The following MBOAT4 variants were observed in gnomAD, a reference collection of about 807,000 sequenced individuals.
The protein encoded by MBOAT4 is membrane-bound ghrelin O-acyltransferase MBOAT4.
A neutral mutation model predicts 13.2 loss-of-function variants in MBOAT4; 11 were observed. That is an observed-to-expected ratio of 0.84 (90% CI 0.53 to 1.38). MBOAT4 has a LOEUF of 1.38. MBOAT4 is among the 40% of genes most tolerant of loss of function. MBOAT4 has a pLI of 0.00. For missense variants in MBOAT4, 481 were observed against 527.2 expected (o/e 0.91, Z 0.86); for synonymous variants, 202 against 210.3 (o/e 0.96, Z 0.34).
chr8:30,144,139 AT>A (rs67795918), intron 1 of MBOAT4, among the ~76,000 whole-genome samples: 10 of 148,710 alleles, frequency 6.7e-5, no homozygotes, highest in East Asian at 3.9e-4. Context: ...GTATTTCTGA[AT>A]TTTTTTTTTT....
intron 2 of MBOAT4, among the ~76,000 whole-genome samples, chr8:30,134,846 C>T (rs1803105114): frequency 6.6e-6 from 1 of 151,830 alleles, no homozygotes; most frequent in Non-Finnish European, 1.5e-5. Flanking sequence ...CTGCTCCCAG[C>T]CATAAGCATC....
In MBOAT4 at chr8:30,144,605, G is replaced by A. The variant is rs1396361365; in HGVS notation, c.-4C>T. ...AGAACAGCCAAAGCCACTCCATTAG[G>A]AACCAGAACAAAAGAGCCTGTCTTT... On this transcript the variant is annotated 5_prime_UTR_variant, in exon 1 of 3. Coordinates refer to ENST00000320542, the MANE Select transcript of MBOAT4 (RefSeq NM_001100916.2). 2 of 1,535,856 alleles carry A rather than the reference G, an allele frequency of 1.3e-6. No homozygotes were observed. The highest frequency in any genetic ancestry group is 1.8e-6 in the Non-Finnish European group (2 of 1,134,370).
chr8:30,132,089 A>G lies in MBOAT4; in HGVS notation c.1162T>C (p.Leu388=). ...GCCAGCATGATGTAGGCAATGATCA[A>G]CTGGGTGTGGGCCCAGGTGAGGGTT... ...YRTLTWAHTQ[L]IIAYIMLAVE... is the part of the protein sequence containing the mutation. Residue 388 remains leucine (L), a synonymous_variant, in exon 3 of 3, where the codon TTG becomes CTG. Transcript: ENST00000320542. The G allele has an allele frequency of 6.4e-7, 1 of 1,551,784 alleles. No individual in the cohort carries two copies. The highest frequency in any genetic ancestry group is 1.7e-4 in the Middle Eastern group (1 of 5,992).
Position 30,132,294 on chromosome 8 carries a change from G to T in MBOAT4, c.957C>A (p.Phe319Leu). 1.3e-6 allele frequency: 2 copies of T among 1,551,780 alleles called. No individual in the cohort carries two copies. The highest frequency in any genetic ancestry group is 3.9e-5 in the Admixed American group (2 of 51,010). ...STARWLRRLV[F>L]QHSRAWPLLQ... ...ACAACGGCCAAGCCCTGCTGTGCTG[G>T]AATACAAGCCGTCGGAGCCATCGAG... The change falls in exon 3 of 3, where the codon TTC becomes TTA. Residue 319 changes from phenylalanine to leucine, a missense_variant. Transcript: ENST00000320542.
intron 1 of MBOAT4, among the ~76,000 whole-genome samples, chr8:30,139,586 T>C (rs1277948725): frequency 6.6e-6 from 1 of 152,356 alleles, no homozygotes; most frequent in African/African-American, 2.4e-5. Flanking sequence ...AAAATCTTTA[T>C]ATCCACCCTT....
At chr8:30,144,210 C>T (rs1803311369) in intron 1 of MBOAT4, among the ~76,000 whole-genome samples, 1 of 152,096 alleles carries the variant, frequency 6.6e-6, no homozygotes. Context: ...TCTCGGCTCA[C>T]TGCAACCTCC....
chr8:30,140,441 C>G lies in MBOAT4; in HGVS notation c.120-1685G>C, dbSNP rs1233521578. Among the ~76,000 whole-genome samples, 10 of 152,160 alleles carry G rather than the reference C, an allele frequency of 6.6e-5. No individual in the cohort carries two copies. The South Asian group carries it at 2.1e-3, about 31-fold the overall frequency. ...GCACCAACACTGGCTTTTGGGGCCCCCTGACTTTCTTCATTCTGTCCTTGC... is the reference window on the plus strand; with the variant it reads ...GCACCAACACTGGCTTTTGGGGCCCGCTGACTTTCTTCATTCTGTCCTTGC... On this transcript the variant is annotated intron_variant, in intron 1 of 2. Coordinates refer to ENST00000320542, the MANE Select transcript of MBOAT4 (RefSeq NM_001100916.2).
rs1360116009 is a variant in MBOAT4, at chr8:30,138,520, C to T, written c.344+12G>A. On this transcript the variant is annotated intron_variant, in intron 2 of 2. Transcript: ENST00000320542. ...AGGTGGGCTGAGCATGACCAACGAA[C>T]AGGCTGCTTACCTCACAGAAGGAGG... The T allele has an allele frequency of 6.5e-7, 1 of 1,538,626 alleles. No homozygotes were observed. The highest frequency in any genetic ancestry group is 1.2e-5 in the South Asian group (1 of 83,690).
chr8:30,132,779 G>A lies in MBOAT4; in HGVS notation c.472C>T (p.His158Tyr), dbSNP rs762096309. ...GFRSRSSLSEHVCKALPYFSY... is the reference protein window; with the variant it reads ...GFRSRSSLSEYVCKALPYFSY... The stretch of plus-strand genomic sequence containing the variant: ...AAATAGGGCAGTGCCTTACACACAT[G>A]CTCAGACAAAGAGCTCCTGCTCCTG... The change falls in exon 3 of 3, where the codon CAT (histidine) becomes TAT (tyrosine). Residue 158 changes from histidine (H) to tyrosine (Y), a missense_variant. Physicochemically the swap from His to Tyr is moderately conservative, Grantham distance 83. Coordinates refer to ENST00000320542, the MANE Select transcript of MBOAT4 (RefSeq NM_001100916.2). 1.1e-5 allele frequency: 17 copies of A among 1,551,732 alleles called. No individual in the cohort carries two copies. In the South Asian group the frequency reaches 1.9e-4, roughly 17 times the overall value.
rs1223383899 is a variant in MBOAT4, at chr8:30,132,207, G to T, written c.1044C>A (p.Phe348Leu). Reference sequence around the variant, plus strand: ...CTTCCACCATCACGGCCCAGCAAACGAAACCAAACACCTGTCCTGGATGGA... The same window carrying T: ...CTTCCACCATCACGGCCCAGCAAACTAAACCAAACACCTGTCCTGGATGGA... ...HGLHPGQVFGFVCWAVMVEAD... is the reference protein window; with the variant it reads ...HGLHPGQVFGLVCWAVMVEAD... Residue 348 changes from phenylalanine to leucine, a missense_variant, in exon 3 of 3, where the codon TTC becomes TTA. By Grantham distance (22) the Phe-to-Leu change is conservative. Transcript: ENST00000320542. The T allele has an allele frequency of 1.6e-5, 25 of 1,551,730 alleles. No individual in the cohort carries two copies. The highest frequency in any genetic ancestry group is 1.9e-5 in the Non-Finnish European group (22 of 1,147,034).
chr8:30,138,452 C>T (rs1392446197), intron 2 of MBOAT4, 80 bp downstream of exon 2: 4 of 1,154,380 alleles, frequency 3.5e-6, no homozygotes, highest in Admixed American at 4.9e-5. Context: ...TCCAACCCAA[C>T]ACCCAGGTTC....
intron 1 of MBOAT4, among the ~76,000 whole-genome samples, chr8:30,139,829 G>A (rs1052969257): frequency 1.3e-5 from 2 of 152,052 alleles, no homozygotes; most frequent in African/African-American, 2.4e-5. Context: ...ATGCATGGTG[G>A]CACACCTGTA....
At chr8:30,134,235 C>T (rs946837911) in intron 2 of MBOAT4, among the ~76,000 whole-genome samples, 5 of 151,818 alleles carry the variant, frequency 3.3e-5, no homozygotes, top group Admixed American at 1.3e-4. Flanking sequence ...CCATCCTGGC[C>T]GATATGGTGA....
intron 1 of MBOAT4, among the ~76,000 whole-genome samples, chr8:30,143,609 T>C (rs1447187059): frequency 6.6e-6 from 1 of 152,124 alleles, no homozygotes; most frequent in East Asian, 1.9e-4. Context: ...ATTTAAAAAA[T>C]CATTACAATC....
Position 30,138,631 on chromosome 8 carries a change from A to T in MBOAT4, c.245T>A (p.Val82Asp). 1 of 1,551,652 alleles carries T rather than the reference A, an allele frequency of 6.4e-7. No individual in the cohort carries two copies. The highest frequency in any genetic ancestry group is 8.7e-7 in the Non-Finnish European group (1 of 1,146,996). Residue 82 changes from valine to aspartate, a missense_variant, in exon 2 of 3, where the codon GTC becomes GAC. Physicochemically the swap from Val to Asp is radical, Grantham distance 152 (BLOSUM62 -3). Coordinates refer to ENST00000320542, the MANE Select transcript of MBOAT4 (RefSeq NM_001100916.2). ...CTGAAAGCAGAAGGTCCACCTGTGG[A>T]CTTGCTGAGGAGCCAGGGAACAGAG... ...ALLCSLAPQQ[V>D]HRWTFCFQMS...
chr8:30,136,963 C>T (rs550201386), intron 2 of MBOAT4, among the ~76,000 whole-genome samples: 21 of 152,078 alleles, frequency 1.4e-4, no homozygotes, highest in Admixed American at 1.0e-3. Flanking sequence ...GTTGGGATTA[C>T]AGGAGTGAGC....
In MBOAT4 at chr8:30,138,752, G is replaced by A; in HGVS notation, c.124C>T (p.Leu42Phe). ...GCACCTCCTCCAGTCAGGAGAAAGA[G>A]GTACCTGAAAGAGAAGGGACACCTT... ...MDSFSTRARYLFLLTGGGALA... is the reference protein window; with the variant it reads ...MDSFSTRARYFFLLTGGGALA... The change falls in exon 2 of 3, where the codon CTC (leucine) becomes TTC (phenylalanine). Residue 42 changes from leucine to phenylalanine, a missense_variant. By Grantham distance (22) the Leu-to-Phe change is conservative. Coordinates refer to ENST00000320542, the MANE Select transcript of MBOAT4 (RefSeq NM_001100916.2). 6.5e-7 allele frequency: 1 copy of A among 1,549,236 alleles called. No individual in the cohort carries two copies. Among genetic ancestry groups the A allele is most frequent in the Non-Finnish European group, 8.7e-7 (1 of 1,146,616 alleles).
rs1217673391 is a variant in MBOAT4 at position 30,132,918 on chromosome 8, T to G, written c.345-12A>C. On this transcript the variant is annotated splice_polypyrimidine_tract_variant and intron_variant, in intron 2 of 2. Transcript: ENST00000320542. ...GAGTGATGCAGAACCTGCAAGATAA[T>G]TTTTTAAAGAACATAAAAACACTCT... The G allele has an allele frequency of 4.0e-6, 6 of 1,495,492 alleles. No homozygotes were observed. The highest frequency in any genetic ancestry group is 5.3e-6 in the Non-Finnish European group (6 of 1,123,132). 92.6% of individuals were successfully genotyped at this position (1,495,492 alleles called of 1,614,324 possible). A position where few individuals can be genotyped will look rare whatever the true frequency, so the allele number is the denominator to read the frequency against.
chr8:30,131,754 C>A lies in MBOAT4; in HGVS notation c.*189G>T. 1 of 605,336 alleles carries A rather than the reference C, an allele frequency of 1.7e-6. No homozygotes were observed. The highest frequency in any genetic ancestry group is 4.8e-4 in the Middle Eastern group (1 of 2,082). 37.5% of individuals were successfully genotyped at this position (605,336 alleles called of 1,614,324 possible). On this transcript the variant is annotated 3_prime_UTR_variant, in exon 3 of 3. Transcript: ENST00000320542. ...ACCACATCTTTTTCCTTTTTGTATC[C>A]TCAGTACCAGCAGAATAGCTTGCTA...
Sources: allele counts gnomAD v4.1 joint callset (sites outside exome capture counted in the v4.1 genomes callset), GRCh38; gene constraint gnomAD v4.1.1; transcripts MANE v1.5; gene names NCBI Gene and HGNC (gene_info 2026-07-23, HGNC 2026-07-21).